Variants in DOCK8 observed in about 807,000 individuals in gnomAD.
The protein encoded by DOCK8 is dedicator of cytokinesis protein 8.
DOCK8 carries 141 observed loss-of-function variants against 245.6 expected under a neutral mutation model. The observed-to-expected ratio is 0.57, with a 90% CI of 0.50 to 0.66. The LOEUF is 0.66. Among genes scored for constraint, DOCK8 ranks in the 30% least tolerant of loss-of-function variants. DOCK8 has a pLI of 0.00. For missense variants in DOCK8, 2,965 were observed against 2,603.4 expected (o/e 1.14, Z -3.02); for synonymous variants, 1,168 against 970.2 (o/e 1.20, Z -3.79).
At chr9:345,941 G>C (rs562737121) in intron 14 of DOCK8, among the ~76,000 whole-genome samples, 1 of 151,994 alleles carries the variant, frequency 6.6e-6, no homozygotes, top group Admixed American at 6.6e-5. Context: ...ATAAATCCTT[G>C]CTCTAACGAT....
At position 422,078 on chromosome 9, in the gene DOCK8, A is replaced by G; in HGVS notation, c.4184A>G (p.Asn1395Ser). The G allele has an allele frequency of 1.2e-6, 2 of 1,614,124 alleles. No individual in the cohort carries two copies. Among genetic ancestry groups the G allele is most frequent in the Non-Finnish European group, 1.7e-6 (2 of 1,180,022 alleles). Reference sequence around the variant, plus strand: ...GACCGATTTCCAGGCCTAAATGAAAATTTGAGATGGAAGAAAGAGCAGACA... The same window carrying G: ...GACCGATTTCCAGGCCTAAATGAAAGTTTGAGATGGAAGAAAGAGCAGACA... Reference protein sequence around the residue: ...GNDRFPGLNENLRWKKEQTHW... With the variant: ...GNDRFPGLNESLRWKKEQTHW... Residue 1395 changes from asparagine to serine, a missense_variant, in exon 33 of 48, where the codon AAT (asparagine) becomes AGT (serine). Around this residue, in one of 3 missense-constraint regions of DOCK8, gnomAD observed 2,825 missense variants for 2,453.5 expected, o/e 1.15. Transcript: ENST00000432829.
intron 1 of DOCK8, among the ~76,000 whole-genome samples, chr9:246,062 A>G (rs981369058): frequency 2.0e-5 from 3 of 152,166 alleles, no homozygotes; most frequent in Non-Finnish European, 4.4e-5. Flanking sequence ...TCTACTAAAA[A>G]TACAAAAAAT....
chr9:342,684 G>A (rs1226826982), intron 14 of DOCK8, among the ~76,000 whole-genome samples: 1 of 152,086 alleles, frequency 6.6e-6, no homozygotes, highest in East Asian at 1.9e-4. Flanking sequence ...TGGCCAGGCT[G>A]GTCTTGAACT....
At chr9:364,183 A>T (rs533635294) in intron 14 of DOCK8, among the ~76,000 whole-genome samples, 7 of 152,308 alleles carry the variant, frequency 4.6e-5, no homozygotes, top group African/African-American at 1.4e-4. Context: ...TTTTTAGAGG[A>T]GACCAGTATA....
In DOCK8 at chr9:371,367, C is replaced by T. The variant is rs1263000089; in HGVS notation, c.1869-61C>T. 5.6e-6 allele frequency: 9 copies of T among 1,602,552 alleles called. No individual in the cohort carries two copies. In the East Asian group the frequency reaches 1.8e-4, roughly 32 times the overall value. On this transcript the variant is annotated intron_variant, in intron 16 of 47. Coordinates refer to ENST00000432829, the MANE Select transcript of DOCK8 (RefSeq NM_203447.4). ...GGAGCAAAGGGGCTGTGGCGTTTTA[C>T]AATCAGAGAAGTCATCATTCTTGCT...
At chr9:419,287 G>T (rs898826836) in intron 30 of DOCK8, among the ~76,000 whole-genome samples, 2 of 152,190 alleles carry the variant, frequency 1.3e-5, no homozygotes, top group Non-Finnish European at 2.9e-5. Flanking sequence ...CATGAGGATT[G>T]GGGGGACAGT....
At chr9:408,914 A>ACACG (rs2055575510) in intron 28 of DOCK8, among the ~76,000 whole-genome samples, 1 of 148,398 alleles carries the variant, frequency 6.7e-6, no homozygotes, top group East Asian at 1.9e-4. Context: ...ACATGCACAC[A>ACACG]CACAGTACCC....
At position 441,906 on chromosome 9, in the gene DOCK8, G is replaced by A. The variant is rs1334744336; in HGVS notation, c.5387G>A (p.Arg1796Gln). 4 of 1,613,966 alleles carry A rather than the reference G, an allele frequency of 2.5e-6. No individual in the cohort carries two copies. The highest frequency in any genetic ancestry group is 1.1e-5 in the South Asian group (1 of 91,082). ...DHKRMFGTYF[R>Q]VGFFGSKFGD... Reference sequence around the variant, plus strand: ...AAGAGAATGTTTGGAACCTACTTCCGAGTTGGTTTCTTTGGATCCAAATTT... The same window carrying A: ...AAGAGAATGTTTGGAACCTACTTCCAAGTTGGTTTCTTTGGATCCAAATTT... The change falls in exon 42 of 48, where the codon CGA (arginine) becomes CAA (glutamine). Residue 1796 changes from arginine (R) to glutamine (Q), a missense_variant. Physicochemically the swap from Arg to Gln is conservative, Grantham distance 43. This residue lies in a region of DOCK8 where 2,825 missense variants were observed against 2,453.5 expected (regional missense o/e 1.15). Coordinates refer to ENST00000432829, the MANE Select transcript of DOCK8 (RefSeq NM_203447.4).
intron 1 of DOCK8, among the ~76,000 whole-genome samples, chr9:236,782 G>T (rs1294675117): frequency 1.3e-5 from 2 of 152,182 alleles, no homozygotes; most frequent in Non-Finnish European, 1.5e-5. Flanking sequence ...GTGACTCAGG[G>T]ACCCAGGCTG....
chr9:257,551 C>G (rs564645866), intron 1 of DOCK8, among the ~76,000 whole-genome samples: 1 of 152,242 alleles, frequency 6.6e-6, no homozygotes, highest in South Asian at 2.1e-4. Context: ...GACAGAGTCT[C>G]ACTCTGTCGA....
chr9:310,262 C>T (rs952789887), intron 5 of DOCK8, among the ~76,000 whole-genome samples: 27 of 64,148 alleles, frequency 4.2e-4, no homozygotes, highest in African/African-American at 1.8e-3. Context: ...TGTGAAACTC[C>T]GTCTAAAAAA....
chr9:294,821 T>C (rs1343382610), intron 4 of DOCK8, among the ~76,000 whole-genome samples: 1 of 152,168 alleles, frequency 6.6e-6, no homozygotes, highest in Non-Finnish European at 1.5e-5. Flanking sequence ...AATTGATATA[T>C]ACAACAACAT....
intron 1 of DOCK8, among the ~76,000 whole-genome samples, chr9:217,205 T>C (rs780503815): frequency 6.6e-6 from 1 of 152,176 alleles, no homozygotes; most frequent in Non-Finnish European, 1.5e-5. Context: ...GAATAAATGG[T>C]GAATAATTCT....
chr9:400,985 T>TCCACCATCACCACCA (rs2055043609), intron 26 of DOCK8, among the ~76,000 whole-genome samples: 4 of 75,832 alleles, frequency 5.3e-5, no homozygotes, highest in Non-Finnish European at 8.8e-5. Context: ...CATCACCACC[T>TCCACCATCACCACCA]CCTCCACCAC....
In DOCK8 at chr9:429,698, C is replaced by T; in HGVS notation, c.4474-4C>T. 1 of 1,614,182 alleles carries T rather than the reference C, an allele frequency of 6.2e-7. No homozygotes were observed. Among genetic ancestry groups the T allele is most frequent in the South Asian group, 1.1e-5 (1 of 91,088 alleles). Reference sequence around the variant, plus strand: ...TGCCTAATGGCCCTTTATGTCTCTCCTAGTTTGGAGACTTACTCTTTGAAG... The same window carrying T: ...TGCCTAATGGCCCTTTATGTCTCTCTTAGTTTGGAGACTTACTCTTTGAAG... On this transcript the variant is annotated splice_region_variant and splice_polypyrimidine_tract_variant and intron_variant, in intron 35 of 47. Transcript: ENST00000432829.
chr9:421,086 G>A lies in DOCK8; in HGVS notation c.4153+8G>A. On this transcript the variant is annotated splice_region_variant and intron_variant, in intron 32 of 47. Coordinates refer to ENST00000432829, the MANE Select transcript of DOCK8 (RefSeq NM_203447.4). Reference sequence around the variant, plus strand: ...TGCGCCGCCGGGCTCCAGGTGTGTTGGACTGGCCCTTCCCTGCTCTCTGTC... The same window carrying A: ...TGCGCCGCCGGGCTCCAGGTGTGTTAGACTGGCCCTTCCCTGCTCTCTGTC... 2 of 1,613,884 alleles carry A rather than the reference G, an allele frequency of 1.2e-6. No homozygotes were observed. The highest frequency in any genetic ancestry group is 1.7e-6 in the Non-Finnish European group (2 of 1,180,034).
At chr9:267,643 G>A (rs989459103) in intron 1 of DOCK8, among the ~76,000 whole-genome samples, 8 of 152,170 alleles carry the variant, frequency 5.3e-5, no homozygotes, top group Non-Finnish European at 1.0e-4. Context: ...TTGTTATACT[G>A]TTGTGTGTTT....
intron 36 of DOCK8, among the ~76,000 whole-genome samples, chr9:430,124 C>T (rs1039621247): frequency 3.3e-5 from 5 of 152,182 alleles, no homozygotes; most frequent in Admixed American, 6.5e-5. Flanking sequence ...CCTATAATCC[C>T]AGCACTTTGG....
At chr9:277,460 A>AAGAGAAGGGAGGGGAGGGGAGGGGAGGG (rs1563865154) in intron 2 of DOCK8, among the ~76,000 whole-genome samples, 2 of 60,746 alleles carry the variant, frequency 3.3e-5, no homozygotes, top group African/African-American at 1.9e-4. Context: ...AGAGAAAGAG[A>AAGAGAAGGGAGGGGAGGGGAGGGGAGGG]GAAGAGAAGA....
Sources: gnomAD v4.1 joint callset for allele counts (sites outside exome capture counted in the v4.1 genomes callset) on GRCh38, gnomAD v4.1.1 for gene constraint, gnomAD v4.1.1 regional missense constraint, MANE v1.5 for transcripts, NCBI Gene and HGNC (gene_info 2026-07-23, HGNC 2026-07-21) for gene names.